RSF1: variants seen among roughly 807,000 people sequenced by gnomAD.
RSF1 encodes remodeling and spacing factor 1.
Under a neutral mutation model 145.2 loss-of-function variants are expected in RSF1, and 13 were observed. The observed-to-expected ratio is 0.09, with a 90% CI of 0.06 to 0.14. The LOEUF (loss-of-function observed/expected upper bound fraction) is 0.14. Among genes scored for constraint, RSF1 ranks in the 10% least tolerant of loss-of-function variants. The probability of loss-of-function intolerance (pLI) is 1.00; values close to 1 mark genes in which losing one functional copy is unlikely to be tolerated. For missense variants in RSF1, 1,517 were observed against 1,718.2 expected (o/e 0.88, Z 2.07); for synonymous variants, 577 against 592.6 (o/e 0.97, Z 0.38).
intron 1 of RSF1, among the ~76,000 whole-genome samples, chr11:77,778,384 T>C (rs895104810): frequency 1.8e-4 from 28 of 152,078 alleles, no homozygotes; most frequent in African/African-American, 6.8e-4. Context: ...AATTAACAAG[T>C]ATTTTCATTT....
At chr11:77,843,903 C>A in the RSF1 span, among the ~76,000 whole-genome samples, 1 of 152,124 alleles carries the variant, frequency 6.6e-6, no homozygotes, top group East Asian at 1.9e-4. Context: ...TGGATGGTGG[C>A]AGGCAAAGAG....
rs143909329 is a variant in RSF1, at chr11:77,756,528, T to C, written c.279+8070A>G. Among the ~76,000 whole-genome samples the C allele has an allele frequency of 2.9e-3, 443 of 152,276 alleles. 2 individuals are homozygous for C. The highest frequency in any genetic ancestry group is 0.01 in the African/African-American group (425 of 41,552). On this transcript the variant is annotated intron_variant, in intron 2 of 15. Transcript: ENST00000308488. ...ACAAACATTTACTATGTGCCGACTA[T>C]GTGGCCGGAACTAGACAAACGCTCG...
In RSF1 at chr11:77,725,650, C is replaced by T. The variant is rs1292778075; in HGVS notation, c.628G>A (p.Asp210Asn). ...ETLALLKAQI[D>N]PVLLKNSSQQ... ...CTAGAGTTTTTCAATAGTACAGGATCAATTTGTGCTTTCAGGAGTGCAAGA... is the reference window on the plus strand; with the variant it reads ...CTAGAGTTTTTCAATAGTACAGGATTAATTTGTGCTTTCAGGAGTGCAAGA... The change falls in exon 5 of 16, where the codon GAT becomes AAT. Residue 210 changes from aspartate to asparagine, a missense_variant. Transcript: ENST00000308488. 1 of 1,607,300 alleles carries T rather than the reference C, an allele frequency of 6.2e-7. No homozygotes were observed. Among genetic ancestry groups the T allele is most frequent in the South Asian group, 1.1e-5 (1 of 90,186 alleles).
chr11:77,825,755 G>C (rs557959469), upstream of RSF1, among the ~76,000 whole-genome samples: 18 of 150,662 alleles, frequency 1.2e-4, no homozygotes, highest in African/African-American at 4.4e-4. Flanking sequence ...GCAGTGGCAC[G>C]ATCTAGGCTC....
intron 1 of RSF1, among the ~76,000 whole-genome samples, chr11:77,766,638 G>A (rs888958637): frequency 2.0e-5 from 3 of 152,100 alleles, no homozygotes; most frequent in African/African-American, 7.2e-5. Context: ...AACAACAGAT[G>A]CAAATAGCTA....
At chr11:77,707,962 T>C (rs957851844) in intron 5 of RSF1, among the ~76,000 whole-genome samples, 4 of 152,252 alleles carry the variant, frequency 2.6e-5, no homozygotes, top group Non-Finnish European at 4.4e-5. Context: ...GTTAACAGTA[T>C]TGTTGCATCT....
At chr11:77,815,551 T>C (rs1383747429) in intron 1 of RSF1, among the ~76,000 whole-genome samples, 1 of 152,220 alleles carries the variant, frequency 6.6e-6, no homozygotes, top group African/African-American at 2.4e-5. Flanking sequence ...CATGTGGTCA[T>C]ACATCTCACC....
the RSF1 span, among the ~76,000 whole-genome samples, chr11:77,828,868 A>G: frequency 1.1e-4 from 17 of 152,164 alleles, no homozygotes; most frequent in Admixed American, 1.1e-3. Context: ...GAAATTGACA[A>G]GTTGATCCTA....
chr11:77,684,814 C>T (rs886775134), intron 10 of RSF1, among the ~76,000 whole-genome samples: 1 of 151,940 alleles, frequency 6.6e-6, no homozygotes, highest in South Asian at 2.1e-4. Flanking sequence ...ATGGTGAAAC[C>T]CCGTCTGTAC....
chr11:77,802,589 G>C (rs1167719801), intron 1 of RSF1, among the ~76,000 whole-genome samples: 1 of 152,028 alleles, frequency 6.6e-6, no homozygotes, highest in Non-Finnish European at 1.5e-5. Context: ...TATTGCTCAG[G>C]CTGGAATGCA....
chr11:77,856,269 C>T, the RSF1 span, among the ~76,000 whole-genome samples: 1 of 152,302 alleles, frequency 6.6e-6, no homozygotes, highest in African/African-American at 2.4e-5. Context: ...CAATAAGTTC[C>T]TCATCTCCGA....
Position 77,794,897 on chromosome 11 carries a change from AAAG to A in RSF1, c.187+25628_187+25630del, listed in dbSNP as rs371674238. On this transcript the variant is annotated intron_variant, in intron 1 of 15. Coordinates refer to ENST00000308488, the MANE Select transcript of RSF1 (RefSeq NM_016578.4). The stretch of plus-strand genomic sequence containing the variant: ...AAGAAAGGAAAGGTATCCAAATTGG[AAAG>A]AAGGAGGTCAAACTTTCCCTCTCTG... Among the ~76,000 whole-genome samples, 762 of 152,342 alleles carry A rather than the reference AAAG, an allele frequency of 5.0e-3. 9 individuals are homozygous for A. Among genetic ancestry groups the A allele is most frequent in the African/African-American group, 0.017 (709 of 41,568 alleles).
At chr11:77,854,904 G>A in the RSF1 span, among the ~76,000 whole-genome samples, 2 of 152,290 alleles carry the variant, frequency 1.3e-5, no homozygotes, top group South Asian at 4.2e-4. Context: ...TGGACATCAG[G>A]CATTTCCATA....
chr11:77,782,053 A>G (rs980882076), intron 1 of RSF1, among the ~76,000 whole-genome samples: 2 of 152,058 alleles, frequency 1.3e-5, no homozygotes, highest in African/African-American at 4.8e-5. Flanking sequence ...ATGAGTTTTG[A>G]GTATCATTTT....
rs922247659 is a variant in RSF1, at chr11:77,662,974, A to T, written c.*3943T>A. 3.9e-5 allele frequency: 6 copies of T among 151,964 alleles called. No individual in the cohort carries two copies. The highest frequency in any genetic ancestry group is 1.2e-4 in the African/African-American group (5 of 41,364). The allele number at this position is 151,964 out of a possible 1,614,324, so 9.4% of individuals were successfully genotyped here. ...CTTATTTCTTTCAAGTTAATGATGGATTCATTTTTATTTTTTCTGATACTT... is the reference window on the plus strand; with the variant it reads ...CTTATTTCTTTCAAGTTAATGATGGTTTCATTTTTATTTTTTCTGATACTT... On this transcript the variant is annotated 3_prime_UTR_variant, in exon 16 of 16. Coordinates refer to ENST00000308488, the MANE Select transcript of RSF1 (RefSeq NM_016578.4).
At chr11:77,800,836 T>C (rs1948618589) in intron 1 of RSF1, among the ~76,000 whole-genome samples, 1 of 152,154 alleles carries the variant, frequency 6.6e-6, no homozygotes, top group South Asian at 2.1e-4. Flanking sequence ...CACTCCAGCT[T>C]GGGCTACAGT....
intron 1 of RSF1, among the ~76,000 whole-genome samples, chr11:77,788,770 C>T (rs887857949): frequency 6.6e-6 from 1 of 152,116 alleles, no homozygotes; most frequent in Non-Finnish European, 1.5e-5. Context: ...CCAAAGCTTT[C>T]ACCTTAAAAG....
At chr11:77,722,784 T>C (rs1432121521) in intron 5 of RSF1, among the ~76,000 whole-genome samples, 1 of 152,224 alleles carries the variant, frequency 6.6e-6, no homozygotes, top group Non-Finnish European at 1.5e-5. Context: ...TTAGCTGTTG[T>C]TATTGTTGAA....
intron 1 of RSF1, among the ~76,000 whole-genome samples, chr11:77,773,655 A>T (rs919140321): frequency 6.6e-6 from 1 of 152,124 alleles, no homozygotes; most frequent in African/African-American, 2.4e-5. Context: ...AAGTGTTGTT[A>T]CTCAAAATGT....
Sources: allele counts gnomAD v4.1 joint callset (sites outside exome capture counted in the v4.1 genomes callset), GRCh38; gene constraint gnomAD v4.1.1; transcripts MANE v1.5; gene names NCBI Gene and HGNC (gene_info 2026-07-23, HGNC 2026-07-21).